Variants in SLC36A4 observed in about 807,000 individuals in gnomAD.
SLC36A4 encodes the protein solute carrier family 36 member 4.
In SLC36A4, 49 loss-of-function variants were observed where a neutral mutation model predicts 50.5. The ratio of observed to expected loss-of-function variants is 0.97; its 90% CI spans 0.77 to 1.23. SLC36A4 has a LOEUF of 1.23. Ranked by LOEUF, SLC36A4 falls within the 50% of genes most tolerant of loss-of-function variation. The pLI is 0.00. For synonymous variants in SLC36A4, 207 were observed against 206.5 expected (o/e 1.00, Z -0.02); for missense variants, 611 against 608.4 (o/e 1.00, Z -0.05).
chr11:93,196,714 G>C (rs957132540), intron 1 of SLC36A4, among the ~76,000 whole-genome samples: 1 of 152,168 alleles, frequency 6.6e-6, no homozygotes, highest in Non-Finnish European at 1.5e-5. Flanking sequence ...TTTCCTGCCA[G>C]CAATGCATGA....
intron 1 of SLC36A4, among the ~76,000 whole-genome samples, chr11:93,192,688 G>A (rs912405179): frequency 3.9e-5 from 6 of 152,086 alleles, no homozygotes; most frequent in Non-Finnish European, 5.9e-5. Flanking sequence ...TCTTTGAAAT[G>A]CAGCATGTAT....
chr11:93,169,240 T>C (rs1464017576), intron 6 of SLC36A4, among the ~76,000 whole-genome samples: 2 of 152,250 alleles, frequency 1.3e-5, no homozygotes, highest in East Asian at 1.9e-4. Flanking sequence ...CTAAAGTAGA[T>C]GGTAATATTA....
intron 7 of SLC36A4, 87 bp downstream of exon 7, chr11:93,167,857 G>T: frequency 3.9e-6 from 3 of 767,364 alleles, no homozygotes; most frequent in Non-Finnish European, 6.5e-6. Flanking sequence ...AGGGGTCTTT[G>T]CATATCATTA....
At chr11:93,176,659 C>G (rs1175453974) in intron 6 of SLC36A4, among the ~76,000 whole-genome samples, 1 of 152,004 alleles carries the variant, frequency 6.6e-6, no homozygotes, top group Non-Finnish European at 1.5e-5. Context: ...GACAAAATCT[C>G]TCAGCATTTG....
intron 8 of SLC36A4, 141 bp downstream of exon 8, chr11:93,165,777 A>C: frequency 1.9e-6 from 1 of 516,970 alleles, no homozygotes. Flanking sequence ...TATAATTCTA[A>C]TCTATCACAC....
chr11:93,185,573 G>T, intron 2 of SLC36A4, 118 bp downstream of exon 2: 1 of 910,130 alleles, frequency 1.1e-6, no homozygotes, highest in Non-Finnish European at 1.6e-6. Flanking sequence ...CATTGAAGGT[G>T]GAGACTATGT....
rs1861890013 is a variant in SLC36A4, at chr11:93,184,530, A to G, written c.180-10T>C. On this transcript the variant is annotated splice_polypyrimidine_tract_variant and intron_variant, in intron 2 of 10. Coordinates refer to ENST00000326402, the MANE Select transcript of SLC36A4 (RefSeq NM_152313.4). ...AAGAGTTTGTACAAATCTGAAAAGT[A>G]AAAGTTGTAAGACTTAAATATTTTA... 4.0e-6 allele frequency: 6 copies of G among 1,508,428 alleles called. No homozygotes were observed. In the East Asian group the frequency reaches 9.0e-5, roughly 23 times the overall value. 93.4% of individuals were successfully genotyped at this position (1,508,428 alleles called of 1,614,324 possible).
intron 10 of SLC36A4, chr11:93,152,824 A>G (rs2134628922): frequency 6.6e-6 from 1 of 152,292 alleles, no homozygotes; most frequent in Non-Finnish European, 1.5e-5. Context: ...ATTGATAAAA[A>G]CACTTTTACT....
Position 93,168,150 on chromosome 11 carries a change from T to C in SLC36A4, c.562A>G (p.Ser188Gly). 6.2e-7 allele frequency: 1 copy of C among 1,608,088 alleles called. No homozygotes were observed. ...GTACTATTTGAAATAAACACTTTAC[T>C]CTCCAGGAATCCTTCATGAACCTAC... ...VKQVHEGFLE[S>G]KVFISNSTNS... The change falls in exon 7 of 11, where the codon AGT becomes GGT. Residue 188 changes from serine (S) to glycine (G), a missense_variant. Coordinates refer to ENST00000326402, the MANE Select transcript of SLC36A4 (RefSeq NM_152313.4).
intron 6 of SLC36A4, among the ~76,000 whole-genome samples, chr11:93,173,218 G>A (rs1400851799): frequency 6.7e-6 from 1 of 149,760 alleles, no homozygotes; most frequent in Non-Finnish European, 1.5e-5. Context: ...ATTTTTTCAT[G>A]TGTTTTTTGG....
Position 93,154,211 on chromosome 11 carries a change from A to C in SLC36A4, c.1104T>G (p.Tyr368Ter). The C allele has an allele frequency of 6.4e-7, 1 of 1,551,878 alleles. No individual in the cohort carries two copies. Among genetic ancestry groups the C allele is most frequent in the Non-Finnish European group, 8.7e-7 (1 of 1,151,222 alleles). The stretch of plus-strand genomic sequence containing the variant: ...CAGGGATAATGATCTCTGCTGGAAC[A>C]TAGAACTGAATTGAATATGTCACAA... ...GIFVTYSIQF[Y>*]VPAEIIIPGI... is the part of the protein sequence containing the mutation. The change falls in exon 10 of 11, where the codon TAT (tyrosine) becomes TAG (stop). Residue 368 changes from tyrosine (Y) to a stop codon, truncating the protein, a stop_gained. Coordinates refer to ENST00000326402, the MANE Select transcript of SLC36A4 (RefSeq NM_152313.4). LOFTEE classifies it high-confidence loss of function.
rs1403555234 is a variant in SLC36A4 at position 93,144,506 on chromosome 11, T to A, written c.*4031A>T. 1 of 152,090 alleles carries A rather than the reference T, an allele frequency of 6.6e-6. No individual in the cohort carries two copies. The highest frequency in any genetic ancestry group is 1.5e-5 in the Non-Finnish European group (1 of 67,976). The allele number at this position is 152,090 out of a possible 1,614,324, so 9.4% of individuals were successfully genotyped here. A position where few individuals can be genotyped will look rare whatever the true frequency, so the allele number is the denominator to read the frequency against. ...CATAGATTACTGATTTGTGTGTGTG[T>A]CTGCATATACTTGTGCACGCATGCA... On this transcript the variant is annotated 3_prime_UTR_variant, in exon 11 of 11. Transcript: ENST00000326402.
intron 6 of SLC36A4, chr11:93,170,354 A>T (rs1861073291): frequency 6.6e-6 from 1 of 152,132 alleles, no homozygotes; most frequent in African/African-American, 2.4e-5. Flanking sequence ...ACAGCAGATT[A>T]TGTTCGTCAG....
intron 6 of SLC36A4, chr11:93,171,599 C>G (rs1225605626): frequency 6.6e-6 from 1 of 151,926 alleles, no homozygotes; most frequent in East Asian, 1.9e-4. Context: ...AATTATAAGG[C>G]ATTATTAACA....
At position 93,192,794 on chromosome 11, in the gene SLC36A4, A is replaced by G. The variant is rs1862268171; in HGVS notation, c.55+4984T>C. On this transcript the variant is annotated intron_variant, in intron 1 of 10. Transcript: ENST00000326402. ...CTATTGCACTGAACAGCACAGCACTAGAGAGTTTTGGGCCTTGGAGTGATA... is the reference window on the plus strand; with the variant it reads ...CTATTGCACTGAACAGCACAGCACTGGAGAGTTTTGGGCCTTGGAGTGATA... Among the ~76,000 whole-genome samples the G allele has an allele frequency of 2.6e-5, 4 of 152,292 alleles. No homozygotes were observed. The South Asian group carries it at 8.3e-4, about 32-fold the overall frequency.
chr11:93,172,346 C>G (rs564746845), intron 6 of SLC36A4, among the ~76,000 whole-genome samples: 1 of 151,788 alleles, frequency 6.6e-6, no homozygotes, highest in African/African-American at 2.4e-5. Flanking sequence ...CCTGGTGCAC[C>G]CATCAATGAA....
rs1391128010 is a variant in SLC36A4 at position 93,180,789 on chromosome 11, A to G, written c.540+8T>C. ...AAATGATTTCACTAACTGGAGAAAA[A>G]TACTCACTTGTTTCACATTTTCAGC... On this transcript the variant is annotated splice_region_variant and intron_variant, in intron 6 of 10. Transcript: ENST00000326402. 1 of 1,596,974 alleles carries G rather than the reference A, an allele frequency of 6.3e-7. No individual in the cohort carries two copies. Among genetic ancestry groups the G allele is most frequent in the Non-Finnish European group, 8.6e-7 (1 of 1,165,228 alleles).
At chr11:93,167,281 C>CT (rs1304112052) in intron 7 of SLC36A4, 1 of 152,018 alleles carries the variant, frequency 6.6e-6, no homozygotes, top group African/African-American at 2.4e-5. Flanking sequence ...GATTCTCAAC[C>CT]TTTTTTGTGT....
At chr11:93,184,927 A>C (rs1434404902) in intron 2 of SLC36A4, among the ~76,000 whole-genome samples, 1 of 152,180 alleles carries the variant, frequency 6.6e-6, no homozygotes, top group Non-Finnish European at 1.5e-5. Flanking sequence ...GTAACACAGC[A>C]ATGTATTGAC....
Sources: gnomAD v4.1 joint callset for allele counts (sites outside exome capture counted in the v4.1 genomes callset) on GRCh38, gnomAD v4.1.1 for gene constraint, MANE v1.5 for transcripts, NCBI Gene and HGNC (gene_info 2026-07-23, HGNC 2026-07-21) for gene names.